The following AMZ2 variants were observed in gnomAD, a reference collection of about 807,000 sequenced individuals.
AMZ2 encodes archaelysin family metallopeptidase 2, also known as archaemetzincin-2.
In AMZ2, 26 loss-of-function variants were observed where a neutral mutation model predicts 36.7. The ratio of observed to expected loss-of-function variants is 0.71; its 90% CI spans 0.52 to 0.98. AMZ2 has a LOEUF of 0.98. Among genes scored for constraint, AMZ2 ranks in the 50% least tolerant of loss-of-function variants. The pLI is 0.00. For missense variants in AMZ2, 394 were observed against 430.5 expected, an observed-to-expected ratio of 0.92 and a Z score of 0.75; for synonymous variants, 144 against 149.1, an observed-to-expected ratio of 0.97 and a Z score of 0.25.
In AMZ2 at chr17:68,248,595, C is replaced by CT. The variant is rs2074197563; in HGVS notation, c.-106dup. On this transcript the variant is annotated 5_prime_UTR_variant, in exon 1 of 7. Transcript: ENST00000359904. The stretch of plus-strand genomic sequence containing the variant: ...GAGGCCTCCTGACCTTTCACACTGC[C>CT]TTTTTAATATTAAGATGAAGTCACA... The CT allele has an allele frequency of 1.0e-6, 1 of 985,912 alleles. No homozygotes were observed. Among genetic ancestry groups the CT allele is most frequent in the Non-Finnish European group, 1.2e-6 (1 of 829,970 alleles). The allele number at this position is 985,912 out of a possible 1,614,324, so 61.1% of individuals were successfully genotyped here. A position where few individuals can be genotyped will look rare whatever the true frequency, so the allele number is the denominator to read the frequency against.
intron 1 of AMZ2, among the ~76,000 whole-genome samples, chr17:68,222,935 C>A (rs1370399968): frequency 1.3e-5 from 2 of 151,866 alleles, no homozygotes; most frequent in Non-Finnish European, 1.5e-5. Context: ...AACTGACTTC[C>A]TAGAGTCAGG....
Position 68,251,034 on chromosome 17 carries a change from A to G in AMZ2, c.458-16A>G, listed in dbSNP as rs2074424400. On this transcript the variant is annotated splice_polypyrimidine_tract_variant and intron_variant, in intron 3 of 6. Coordinates refer to ENST00000359904, the MANE Select transcript of AMZ2 (RefSeq NM_016627.5). Reference sequence around the variant, plus strand: ...ATAATATACACTCATACATTTATGTATTTCTTTTTAAATAGGGGACATCCT... The same window carrying G: ...ATAATATACACTCATACATTTATGTGTTTCTTTTTAAATAGGGGACATCCT... 3 of 1,607,066 alleles carry G rather than the reference A, an allele frequency of 1.9e-6. No homozygotes were observed. Among genetic ancestry groups the G allele is most frequent in the African/African-American group, 2.7e-5 (2 of 74,292 alleles).
chr17:68,248,044 G>T lies in AMZ2; in HGVS notation c.-662G>T, dbSNP rs2074121646. 1.0e-6 allele frequency: 1 copy of T among 986,370 alleles called. No homozygotes were observed. The allele number at this position is 986,370 out of a possible 1,614,324, so 61.1% of individuals were successfully genotyped here. ...GCGCCAGTGGGCGTGGCGTGGCGCA[G>T]TGCGAAGGGACGCGGTGCGCATGCG... On this transcript the variant is annotated 5_prime_UTR_variant, in exon 1 of 7. Coordinates refer to ENST00000359904, the MANE Select transcript of AMZ2 (RefSeq NM_016627.5).
chr17:68,248,782 G>A, intron 1 of AMZ2, 77 bp downstream of exon 1: 3 of 988,010 alleles, frequency 3.0e-6, no homozygotes, highest in Non-Finnish European at 3.6e-6. Context: ...AGTTGTGTAG[G>A]AGTGAGGATG....
At position 68,229,241 on chromosome 17, in the gene AMZ2, A is replaced by C. The variant is rs565575826; in HGVS notation, c.-66-19399A>C. ...TCCATGGCACTGACACCCCCACCTCAAACGCAGCCCCCCATGATGTTTCCT... is the reference window on the plus strand; with the variant it reads ...TCCATGGCACTGACACCCCCACCTCCAACGCAGCCCCCCATGATGTTTCCT... On this transcript the variant is annotated intron_variant, in intron 1 of 7. Transcript: ENST00000674770. 5.2e-4 allele frequency among the ~76,000 whole-genome samples: 79 copies of C among 152,098 alleles called. 1 individual carries two copies. In the South Asian group the frequency reaches 0.016, roughly 32 times the overall value.
At chr17:68,254,148 G>A (rs1555741368) in intron 4 of AMZ2, among the ~76,000 whole-genome samples, 1 of 152,202 alleles carries the variant, frequency 6.6e-6, no homozygotes, top group East Asian at 1.9e-4. Context: ...TGAAACTTCA[G>A]TTTCTCAAGC....
At chr17:68,207,323 C>CCCG (rs1555724631) in intron 1 of AMZ2, 1 of 143,790 alleles carries the variant, frequency 7.0e-6, no homozygotes, top group African/African-American at 2.6e-5. Context: ...ACCCCCCCCC[C>CCCG]ACAAAGGCTG....
At chr17:68,242,192 T>C (rs1555734162) in intron 1 of AMZ2, among the ~76,000 whole-genome samples, 1 of 152,110 alleles carries the variant, frequency 6.6e-6, no homozygotes, top group African/African-American at 2.4e-5. Context: ...GCTGAAAGGG[T>C]AGGCGGAAAG....
chr17:68,250,149 A>G, intron 1 of AMZ2, 39 bp from the exon 2 acceptor site: 3 of 1,585,982 alleles, frequency 1.9e-6, no homozygotes, highest in Non-Finnish European at 2.6e-6. Flanking sequence ...CAATGTAGAT[A>G]TGTATTTTTA....
intron 1 of AMZ2, among the ~76,000 whole-genome samples, chr17:68,226,058 C>G (rs1435360573): frequency 5.9e-5 from 9 of 152,162 alleles, no homozygotes; most frequent in African/African-American, 2.4e-5. Flanking sequence ...CTGCCTGAAG[C>G]TGGCTCGCCC....
chr17:68,215,764 A>G (rs9906850), intron 1 of AMZ2, among the ~76,000 whole-genome samples: 9,008 of 147,360 alleles, frequency 0.061, 424 homozygotes, highest in African/African-American at 0.16. Flanking sequence ...AATTTAGTCC[A>G]TGCTCCAATT....
chr17:68,215,418 A>T lies in AMZ2; in HGVS notation c.-67+9180A>T. ...CAAATGGTGAAATAACTGTAACCAC[A>T]TTTTTAAAGTTTAAAGTTTACTGCT... On this transcript the variant is annotated intron_variant, in intron 1 of 7. Coordinates refer to the AMZ2 transcript ENST00000674770. Among the ~76,000 whole-genome samples the T allele has an allele frequency of 1.5e-5, 2 of 135,684 alleles. 1 individual carries two copies. The highest frequency in any genetic ancestry group is 1.4e-4 in the Admixed American group (2 of 13,854). The allele number at this position is 135,684 out of a possible 152,430, so 89.0% of individuals were successfully genotyped here.
chr17:68,250,033 G>A (rs1555738194), intron 1 of AMZ2, 155 bp from the exon 2 acceptor site: 2 of 727,906 alleles, frequency 2.7e-6, no homozygotes, highest in East Asian at 5.5e-5. Context: ...CAAGAAATTG[G>A]ACATGAGGAA....
intron 1 of AMZ2, among the ~76,000 whole-genome samples, chr17:68,238,531 C>T (rs1324097427): frequency 2.2e-5 from 3 of 134,848 alleles, no homozygotes; most frequent in Non-Finnish European, 4.6e-5. Context: ...ATTTATATGC[C>T]ATATGTATAT....
Position 68,248,516 on chromosome 17 carries a change from C to T in AMZ2, c.-190C>T, listed in dbSNP as rs1466942910. On this transcript the variant is annotated 5_prime_UTR_variant, in exon 1 of 7. Transcript: ENST00000359904. ...CCCACTGCAGTGACCGAATTCTGCG[C>T]CCCCTGCCCATCTTCTCCCGCAGCT... 4.1e-5 allele frequency: 40 copies of T among 985,986 alleles called. No homozygotes were observed. The highest frequency in any genetic ancestry group is 4.7e-5 in the Non-Finnish European group (39 of 830,070). The allele number at this position is 985,986 out of a possible 1,614,324, so 61.1% of individuals were successfully genotyped here. A position where few individuals can be genotyped will look rare whatever the true frequency, so the allele number is the denominator to read the frequency against.
In AMZ2 at chr17:68,211,844, GTA is replaced by G. The variant is rs201190124; in HGVS notation, c.-67+5614_-67+5615del. Among the ~76,000 whole-genome samples the G allele has an allele frequency of 7.9e-3, 966 of 121,540 alleles. 37 individuals carry two copies. The highest frequency in any genetic ancestry group is 0.024 in the African/African-American group (860 of 35,556). The allele number at this position is 121,540 out of a possible 152,430, so 79.7% of individuals were successfully genotyped here. Reference sequence around the variant, plus strand: ...TGTATGTATATGTATATATGTACATGTATATATATGTATATGTATATATGTGT... The same window carrying G: ...TGTATGTATATGTATATATGTACATGTATATATGTATATGTATATATGTGT... On this transcript the variant is annotated intron_variant, in intron 1 of 7. Coordinates refer to the AMZ2 transcript ENST00000674770.
At chr17:68,231,189 G>A (rs1300137241) in intron 1 of AMZ2, among the ~76,000 whole-genome samples, 2 of 151,638 alleles carry the variant, frequency 1.3e-5, no homozygotes, top group African/African-American at 2.4e-5. Flanking sequence ...TCAGCCTCCC[G>A]AGTAGCTGGT....
intron 1 of AMZ2, among the ~76,000 whole-genome samples, chr17:68,211,363 C>T (rs545883675): frequency 2.0e-5 from 3 of 151,926 alleles, no homozygotes; most frequent in South Asian, 2.1e-4. Flanking sequence ...ATTAGCTGGG[C>T]GTGGTGGCGG....
chr17:68,247,192 C>G (rs1599389035), upstream of AMZ2: 2 of 152,034 alleles, frequency 1.3e-5, no homozygotes, highest in East Asian at 3.9e-4. Context: ...AAAAATTAGC[C>G]GGACGTGATA....
Sources: gnomAD v4.1 joint callset for allele counts (sites outside exome capture counted in the v4.1 genomes callset) on GRCh38, gnomAD v4.1.1 for gene constraint, MANE v1.5 for transcripts, NCBI Gene and HGNC (gene_info 2026-07-23, HGNC 2026-07-21) for gene names.